ZDHHC15: variants seen among roughly 807,000 people sequenced by gnomAD.
ZDHHC15 encodes the protein zDHHC palmitoyltransferase 15, also known as palmitoyltransferase ZDHHC15.
In ZDHHC15, 19 loss-of-function variants were observed where a neutral mutation model predicts 31.7. That is an observed-to-expected ratio of 0.60 (90% CI 0.42 to 0.88). The LOEUF is 0.88. ZDHHC15 is among the 40% of genes least tolerant of loss of function. ZDHHC15 has a pLI of 0.00. For synonymous variants in ZDHHC15, 103 were observed against 90.0 expected (o/e 1.14, Z -0.82); for missense variants, 209 against 251.2 (o/e 0.83, Z 1.14).
intron 2 of ZDHHC15, among the ~76,000 whole-genome samples, chrX:75,482,749 T>C (rs1354518826): frequency 9.0e-6 from 1 of 111,068 alleles, no homozygotes; most frequent in Non-Finnish European, 1.9e-5. Flanking sequence ...ATATATAAAC[T>C]TCTTATGTTT....
At chrX:75,373,406 C>A (rs982882930) in intron 11 of ZDHHC15, among the ~76,000 whole-genome samples, 1 of 111,529 alleles carries the variant, frequency 9.0e-6, no homozygotes, top group Admixed American at 9.6e-5. Context: ...TCCTAGTTTA[C>A]TCATCTGTAA....
At chrX:75,492,018 C>T (rs1426659119) in intron 2 of ZDHHC15, among the ~76,000 whole-genome samples, 1 of 111,242 alleles carries the variant, frequency 9.0e-6, no homozygotes, top group African/African-American at 3.3e-5. Context: ...AGAGTCAAGA[C>T]CCATCAGTGT....
intron 3 of ZDHHC15, among the ~76,000 whole-genome samples, chrX:75,477,515 T>C (rs983766313): frequency 1.8e-5 from 2 of 111,881 alleles, no homozygotes; most frequent in African/African-American, 6.5e-5. Flanking sequence ...CTCTCAGTTT[T>C]TGCTTCTTAT....
At chrX:75,486,634 A>G (rs2084782047) in intron 2 of ZDHHC15, among the ~76,000 whole-genome samples, 2 of 112,071 alleles carry the variant, frequency 1.8e-5, no homozygotes, top group African/African-American at 6.5e-5. Flanking sequence ...ATAAACGTGC[A>G]GTTGGGAGGT....
rs774698064 is a variant in ZDHHC15, at chrX:75,505,867, A to G, written c.137-20T>C. 4 of 1,174,285 alleles carry G rather than the reference A, an allele frequency of 3.4e-6. No homozygotes were observed. The highest frequency in any genetic ancestry group is 3.6e-5 in the South Asian group (2 of 55,812). On this transcript the variant is annotated intron_variant, in intron 1 of 11. Coordinates refer to ENST00000373367, the MANE Select transcript of ZDHHC15 (RefSeq NM_144969.3). Reference sequence around the variant, plus strand: ...CAGTCACTGTGAAGAGACAGGAGAAAGAGAGACAGACAGACAGACAGAGAT... The same window carrying G: ...CAGTCACTGTGAAGAGACAGGAGAAGGAGAGACAGACAGACAGACAGAGAT...
rs1003826503 is a variant in ZDHHC15 at position 75,431,697 on chromosome X, G to A, written c.380-177C>T. 3.6e-5 allele frequency among the ~76,000 whole-genome samples: 4 copies of A among 110,910 alleles called. No homozygotes were observed. In the Admixed American group the frequency reaches 3.9e-4, roughly 11 times the overall value. On this transcript the variant is annotated intron_variant, in intron 4 of 11. Coordinates refer to ENST00000373367, the MANE Select transcript of ZDHHC15 (RefSeq NM_144969.3). ...AATTGGGGTATATATTTTTTTCCTT[G>A]TTGTATCCAATTTTGAAAGCACTTT...
rs1196029099 is a variant in ZDHHC15 at position 75,397,781 on chromosome X, A to G, written c.968-18583T>C. Among the ~76,000 whole-genome samples the G allele has an allele frequency of 2.7e-5, 3 of 111,636 alleles. No individual in the cohort carries two copies. The Admixed American group carries it at 2.8e-4, about 11-fold the overall frequency. On this transcript the variant is annotated intron_variant, in intron 10 of 11. Coordinates refer to ENST00000373367, the MANE Select transcript of ZDHHC15 (RefSeq NM_144969.3). ...AAGAAAAGCAAGAGGACAACGGCCCATCTGGGAGCAACACGGAGGCAGGTG... is the reference window on the plus strand; with the variant it reads ...AAGAAAAGCAAGAGGACAACGGCCCGTCTGGGAGCAACACGGAGGCAGGTG...
At chrX:75,465,971 G>T (rs1477218000) in intron 3 of ZDHHC15, among the ~76,000 whole-genome samples, 1 of 111,516 alleles carries the variant, frequency 9.0e-6, no homozygotes, top group East Asian at 2.8e-4. Context: ...AAGAGTTCCT[G>T]CACAGCAAAA....
intron 10 of ZDHHC15, among the ~76,000 whole-genome samples, chrX:75,413,687 A>T (rs2071494470): frequency 9.1e-6 from 1 of 110,453 alleles, no homozygotes; most frequent in Non-Finnish European, 1.9e-5. Context: ...AACAAACAAC[A>T]ACAACAAAAA....
At chrX:75,418,061 G>A (rs2083568757) in intron 9 of ZDHHC15, among the ~76,000 whole-genome samples, 1 of 111,865 alleles carries the variant, frequency 8.9e-6, no homozygotes, top group African/African-American at 3.3e-5. Context: ...TTCCAGAGAA[G>A]ACTGATTTTA....
chrX:75,447,727 C>A (rs2084053642), intron 4 of ZDHHC15, among the ~76,000 whole-genome samples: 1 of 110,139 alleles, frequency 9.1e-6, no homozygotes, highest in Non-Finnish European at 1.9e-5. Context: ...AAAATGTTTT[C>A]TTCCTGTTCC....
intron 2 of ZDHHC15, chrX:75,501,485 C>A (rs1024533227): frequency 1.8e-5 from 2 of 111,237 alleles, no homozygotes; most frequent in African/African-American, 6.5e-5. Flanking sequence ...AATGGGATTG[C>A]TGGGTCGAAT....
chrX:75,460,409 T>C (rs964525519), intron 3 of ZDHHC15, among the ~76,000 whole-genome samples: 4 of 110,977 alleles, frequency 3.6e-5, no homozygotes, highest in Non-Finnish European at 7.6e-5. Flanking sequence ...TTCCCTCCAG[T>C]AGAGCAAACC....
At chrX:75,509,720 T>C (rs1172495935) in intron 1 of ZDHHC15, among the ~76,000 whole-genome samples, 1 of 112,743 alleles carries the variant, frequency 8.9e-6, no homozygotes, top group Non-Finnish European at 1.9e-5. Flanking sequence ...TGTTATCAGA[T>C]TGTTACAAGG....
intron 3 of ZDHHC15, among the ~76,000 whole-genome samples, chrX:75,469,205 T>C (rs749833856): frequency 1.4e-3 from 161 of 112,055 alleles, no homozygotes; most frequent in Non-Finnish European, 2.2e-3. Context: ...GTTTAGGCCT[T>C]ACATTTAAGC....
chrX:75,522,134 C>T (rs779265719), intron 1 of ZDHHC15, among the ~76,000 whole-genome samples: 30 of 111,172 alleles, frequency 2.7e-4, no homozygotes, highest in African/African-American at 9.2e-4. Context: ...ATAATATAAT[C>T]AGGGCCTCTC....
rs930478825 is a variant in ZDHHC15 at position 75,372,583 on chromosome X, C to A, written c.*395G>T. 4.5e-5 allele frequency: 5 copies of A among 110,980 alleles called. No individual in the cohort carries two copies. The highest frequency in any genetic ancestry group is 1.6e-4 in the African/African-American group (5 of 30,502). The allele number at this position is 110,980 out of a possible 1,213,427, so 9.1% of individuals were successfully genotyped here. Reference sequence around the variant, plus strand: ...TGATTCCCTTCAACACCAAAAAGGCCCTATATATGTGATTAATAATCTTTG... The same window carrying A: ...TGATTCCCTTCAACACCAAAAAGGCACTATATATGTGATTAATAATCTTTG... On this transcript the variant is annotated 3_prime_UTR_variant, in exon 12 of 12. Transcript: ENST00000373367.
chrX:75,390,194 T>C (rs993981856), intron 10 of ZDHHC15, among the ~76,000 whole-genome samples: 1 of 111,891 alleles, frequency 8.9e-6, no homozygotes, highest in Non-Finnish European at 1.9e-5. Flanking sequence ...CTCAGCCACA[T>C]TGGAACAGAG....
chrX:75,413,215 A>G (rs2083505539), intron 10 of ZDHHC15, among the ~76,000 whole-genome samples: 1 of 112,454 alleles, frequency 8.9e-6, no homozygotes, highest in Non-Finnish European at 1.9e-5. Context: ...ATACATATTT[A>G]AAAACTAGAG....
Sources: allele counts gnomAD v4.1 joint callset (sites outside exome capture counted in the v4.1 genomes callset), GRCh38; gene constraint gnomAD v4.1.1; transcripts MANE v1.5; gene names NCBI Gene and HGNC (gene_info 2026-07-23, HGNC 2026-07-21).